The following ZNF438 variants were observed in gnomAD, a reference collection of about 807,000 sequenced individuals.
ZNF438 encodes the protein zinc finger protein 438.
Under a neutral mutation model 38.0 loss-of-function variants are expected in ZNF438, and 25 were observed. That is an observed-to-expected ratio of 0.66 (90% confidence interval 0.48 to 0.92). ZNF438 has a LOEUF of 0.92. ZNF438 is among the 40% of genes least tolerant of loss of function. The probability of loss-of-function intolerance (pLI) is 0.00; values close to 1 mark genes in which losing one functional copy is unlikely to be tolerated. For missense variants in ZNF438, 1,007 were observed against 999.6 expected (o/e 1.01, Z -0.10); for synonymous variants, 372 against 364.1 (o/e 1.02, Z -0.25).
At chr10:30,845,188 T>C in exon 6 of ZNF438, 2 of 1,614,194 alleles carry the variant, frequency 1.2e-6, no homozygotes, top group Non-Finnish European at 1.7e-6. Context: ...CAGGTTTCCC[T>C]TGGCTTGTTG....
At chr10:30,961,266 AT>A (rs751298192) in intron 1 of ZNF438, among the ~76,000 whole-genome samples, 13,062 of 141,806 alleles carry the variant, frequency 0.092, 2,034 homozygotes, top group Non-Finnish European at 0.13. Context: ...AAAAAAAAAA[AT>A]TTTTTAATTT....
chr10:30,965,445 A>G (rs1017437972), intron 1 of ZNF438, among the ~76,000 whole-genome samples: 7 of 152,196 alleles, frequency 4.6e-5, no homozygotes, highest in African/African-American at 1.7e-4. Flanking sequence ...AGGAAAATAA[A>G]TCGTTCTACA....
chr10:30,951,051 G>T (rs1337948606), intron 1 of ZNF438, among the ~76,000 whole-genome samples: 23 of 138,540 alleles, frequency 1.7e-4, no homozygotes, highest in South Asian at 4.8e-4. Flanking sequence ...TTATCCACCA[G>T]GATCAAGTGG....
intron 1 of ZNF438, among the ~76,000 whole-genome samples, chr10:30,944,053 C>G (rs1002762750): frequency 2.6e-5 from 4 of 152,078 alleles, no homozygotes; most frequent in African/African-American, 9.7e-5. Context: ...TTGTGGGTTC[C>G]ATCTGAACTG....
intron 1 of ZNF438, among the ~76,000 whole-genome samples, chr10:30,961,518 G>A (rs957906759): frequency 6.9e-6 from 1 of 145,726 alleles, no homozygotes; most frequent in African/African-American, 2.4e-5. Context: ...TTGTATAATC[G>A]CATTTTATTT....
intron 1 of ZNF438, among the ~76,000 whole-genome samples, chr10:30,948,240 A>T (rs1239781783): frequency 6.6e-6 from 1 of 152,048 alleles, no homozygotes; most frequent in African/African-American, 2.4e-5. Flanking sequence ...CCCACCAAAA[A>T]CCCATCTGTA....
chr10:31,022,817 G>A (rs1370310272), intron 1 of ZNF438, among the ~76,000 whole-genome samples: 2 of 152,056 alleles, frequency 1.3e-5, no homozygotes, highest in African/African-American at 2.4e-5. Flanking sequence ...CAAGCATCTC[G>A]ACAACTATTT....
chr10:30,920,308 C>G (rs2044146146), intron 2 of ZNF438: 1 of 152,174 alleles, frequency 6.6e-6, no homozygotes, highest in South Asian at 2.1e-4. Context: ...CACAGCAAGA[C>G]AAAGAGACAC....
upstream of ZNF438, among the ~76,000 whole-genome samples, chr10:31,032,089 G>A (rs988881790): frequency 1.3e-5 from 2 of 152,208 alleles, no homozygotes; most frequent in African/African-American, 2.4e-5. Flanking sequence ...GCCTGCGGCG[G>A]CGACTGCTCT....
At chr10:30,934,342 A>G (rs1334353571) in intron 2 of ZNF438, among the ~76,000 whole-genome samples, 2 of 152,144 alleles carry the variant, frequency 1.3e-5, no homozygotes, top group Non-Finnish European at 2.9e-5. Flanking sequence ...TTGGTGTCCC[A>G]TGTAGAAAAG....
At chr10:30,897,449 T>A (rs917577727) in intron 3 of ZNF438, among the ~76,000 whole-genome samples, 1 of 152,184 alleles carries the variant, frequency 6.6e-6, no homozygotes, top group African/African-American at 2.4e-5. Flanking sequence ...TGACAAAAGA[T>A]CCAGTGCTAT....
intron 2 of ZNF438, among the ~76,000 whole-genome samples, chr10:30,918,861 G>A (rs1035683463): frequency 2.0e-5 from 3 of 152,148 alleles, no homozygotes; most frequent in Admixed American, 1.3e-4. Flanking sequence ...CAGTTGCATC[G>A]ATCTTTTAGG....
intron 3 of ZNF438, among the ~76,000 whole-genome samples, chr10:30,899,944 A>G (rs1365797237): frequency 6.6e-6 from 1 of 152,214 alleles, no homozygotes; most frequent in Non-Finnish European, 1.5e-5. Context: ...TCTTTTGTCA[A>G]AGTAGGGCAG....
intron 2 of ZNF438, among the ~76,000 whole-genome samples, chr10:30,936,906 A>G (rs928433185): frequency 2.0e-5 from 3 of 152,118 alleles, no homozygotes; most frequent in Admixed American, 6.5e-5. Context: ...AATGTGGTTC[A>G]TTGCCTCCAA....
intron 1 of ZNF438, among the ~76,000 whole-genome samples, chr10:30,947,367 C>T (rs1476587475): frequency 6.6e-6 from 1 of 152,234 alleles, no homozygotes; most frequent in African/African-American, 2.4e-5. Context: ...AGAACCATAA[C>T]AGAATCTAGT....
rs140220495 is a variant in ZNF438, at chr10:30,893,397, C to T, written c.-32+15536G>A. On this transcript the variant is annotated intron_variant, in intron 3 of 5. Coordinates refer to ENST00000413025, the Ensembl canonical transcript of ZNF438. ...TGCAAGAGACAGTGCTGCTGCCCAA[C>T]ATCACCAAAAGGAAGTGAGCATTAG... Among the ~76,000 whole-genome samples, 307 of 152,306 alleles carry T rather than the reference C, an allele frequency of 2.0e-3. 2 individuals carry two copies. The highest frequency in any genetic ancestry group is 7.0e-3 in the African/African-American group (289 of 41,568).
At chr10:30,961,283 A>G (rs1426855585) in intron 1 of ZNF438, among the ~76,000 whole-genome samples, 4 of 145,354 alleles carry the variant, frequency 2.8e-5, no homozygotes, top group Admixed American at 2.1e-4. Context: ...AATTTATTAT[A>G]CCTTTTTAAA....
chr10:30,932,954 C>T (rs530544058), intron 2 of ZNF438, among the ~76,000 whole-genome samples: 7 of 152,258 alleles, frequency 4.6e-5, no homozygotes, highest in East Asian at 1.9e-4. Context: ...CCAGAAGAGG[C>T]AAGGCAGAAT....
chr10:30,971,788 AC>A (rs1254406693), intron 1 of ZNF438, among the ~76,000 whole-genome samples: 2 of 152,026 alleles, frequency 1.3e-5, no homozygotes, highest in East Asian at 3.9e-4. Context: ...TGCCTATGCC[AC>A]CCCCCAACAA....
Sources: gnomAD v4.1 joint callset for allele counts (sites outside exome capture counted in the v4.1 genomes callset) on GRCh38, gnomAD v4.1.1 for gene constraint, MANE v1.5 for transcripts, NCBI Gene and HGNC (gene_info 2026-07-23, HGNC 2026-07-21) for gene names.